GALNT17: variants seen among roughly 807,000 people sequenced by gnomAD.
GALNT17 encodes polypeptide N-acetylgalactosaminyltransferase 17, also known as UDP-GalNAc:polypeptide N-acetylgalactosaminyltransferase-like 3.
Under a neutral mutation model 63.7 loss-of-function variants are expected in GALNT17, and 29 were observed. The observed-to-expected ratio is 0.46, with a 90% CI of 0.34 to 0.62. The LOEUF (loss-of-function observed/expected upper bound fraction) is 0.62. Ranked by LOEUF, GALNT17 falls within the 20% of genes least tolerant of loss-of-function variation. The pLI is 0.01. For missense variants in GALNT17, 603 were observed against 799.6 expected, an observed-to-expected ratio of 0.75 and a Z score of 2.97; for synonymous variants, 305 against 318.3, an observed-to-expected ratio of 0.96 and a Z score of 0.45.
chr7:71,370,554 G>A (rs938610711), intron 2 of GALNT17, among the ~76,000 whole-genome samples: 6 of 151,326 alleles, frequency 4.0e-5, no homozygotes, highest in Admixed American at 1.3e-4. Context: ...GTGTGATCTC[G>A]GCTCACTGCA....
intron 6 of GALNT17, among the ~76,000 whole-genome samples, chr7:71,633,391 C>T (rs536226425): frequency 2.0e-5 from 3 of 152,250 alleles, no homozygotes; most frequent in African/African-American, 7.2e-5. Flanking sequence ...CAGACTGAGG[C>T]TACGCAGTTT....
chr7:71,703,391 G>C (rs184146688), intron 9 of GALNT17, among the ~76,000 whole-genome samples: 207 of 152,306 alleles, frequency 1.4e-3, no homozygotes, highest in African/African-American at 4.5e-3. Flanking sequence ...GGGAAAAAGA[G>C]AGTGAGGTGA....
intron 9 of GALNT17, among the ~76,000 whole-genome samples, chr7:71,681,750 C>T (rs79428744): frequency 0.022 from 3,361 of 152,254 alleles, 120 homozygotes; most frequent in African/African-American, 0.074. Context: ...GAGGCTATCC[C>T]AGTTAGATAC....
At chr7:71,201,791 C>T (rs1354011089) in intron 1 of GALNT17, among the ~76,000 whole-genome samples, 6 of 152,144 alleles carry the variant, frequency 3.9e-5, no homozygotes, top group African/African-American at 1.2e-4. Context: ...GCCACCACAC[C>T]CAGCTAATTT....
intron 1 of GALNT17, among the ~76,000 whole-genome samples, chr7:71,318,152 C>A (rs1444878027): frequency 6.6e-6 from 1 of 152,124 alleles, no homozygotes; most frequent in Non-Finnish European, 1.5e-5. Context: ...GTGATCTTCC[C>A]ACCTTGGCCT....
chr7:71,686,263 C>G (rs944033248), intron 9 of GALNT17, among the ~76,000 whole-genome samples: 4 of 151,878 alleles, frequency 2.6e-5, no homozygotes, highest in Non-Finnish European at 5.9e-5. Context: ...CCTGTTTACT[C>G]TTTATAATGT....
chr7:71,568,112 G>A (rs887493220), intron 5 of GALNT17, among the ~76,000 whole-genome samples: 27 of 152,212 alleles, frequency 1.8e-4, no homozygotes, highest in African/African-American at 6.5e-4. Flanking sequence ...GCCCAGGGAA[G>A]CACCTTAACG....
intron 3 of GALNT17, among the ~76,000 whole-genome samples, chr7:71,395,270 T>C (rs557472416): frequency 1.3e-5 from 2 of 152,310 alleles, no homozygotes; most frequent in East Asian, 3.9e-4. Context: ...TTGCCAAATA[T>C]TAATGTATTT....
At position 71,712,228 on chromosome 7, in the gene GALNT17, G is replaced by A. The variant is rs866423098; in HGVS notation, c.*82G>A. 1.9e-5 allele frequency: 30 copies of A among 1,547,582 alleles called. No individual in the cohort carries two copies. In the South Asian group the frequency reaches 3.6e-4, roughly 19 times the overall value. ...CATCTGGACCAGCTGCCCTGGCGGA[G>A]AGACAGCAAGGGGCCGGCAGGTGCT... On this transcript the variant is annotated 3_prime_UTR_variant, in exon 11 of 11. Transcript: ENST00000333538.
rs1377020519 is a variant in GALNT17, at chr7:71,680,557, TCC to T, written c.1500+3253_1500+3254del. On this transcript the variant is annotated intron_variant, in intron 9 of 10. Transcript: ENST00000333538. The stretch of plus-strand genomic sequence containing the variant: ...CTCCCTCCCTTCCTCCCTCCCTCTC[TCC>T]CTTCCTCCCTCCCTCTCTCCCTTCC... 4.5e-4 allele frequency among the ~76,000 whole-genome samples: 20 copies of T among 44,836 alleles called. 7 individuals carry two copies. The highest frequency in any genetic ancestry group is 7.3e-4 in the Non-Finnish European group (14 of 19,212). The allele number at this position is 44,836 out of a possible 152,430, so 29.4% of individuals were successfully genotyped here. A position where few individuals can be genotyped will look rare whatever the true frequency, so the allele number is the denominator to read the frequency against.
chr7:71,509,756 G>C (rs6965952), intron 5 of GALNT17, among the ~76,000 whole-genome samples: 36,245 of 152,042 alleles, frequency 0.24, 4,446 homozygotes, highest in Middle Eastern at 0.36. Context: ...GGAACAGAGA[G>C]ATGGAGGCTT....
At chr7:71,279,131 G>T (rs772299039) in intron 1 of GALNT17, among the ~76,000 whole-genome samples, 9 of 151,794 alleles carry the variant, frequency 5.9e-5, no homozygotes, top group Non-Finnish European at 8.8e-5. Flanking sequence ...CACCATGTTG[G>T]CCAGGATGGT....
chr7:71,707,463 G>C (rs1791737074), intron 9 of GALNT17, among the ~76,000 whole-genome samples: 1 of 152,230 alleles, frequency 6.6e-6, no homozygotes, highest in Admixed American at 6.5e-5. Flanking sequence ...GTTGTGGGAA[G>C]GTTGCCGGGC....
intron 9 of GALNT17, among the ~76,000 whole-genome samples, chr7:71,693,067 T>C (rs1277093487): frequency 1.3e-5 from 2 of 151,964 alleles, no homozygotes; most frequent in East Asian, 3.9e-4. Context: ...GATAGATAAC[T>C]ATATACTAGT....
intron 6 of GALNT17, among the ~76,000 whole-genome samples, chr7:71,644,117 T>TCC (rs1253732433): frequency 6.6e-6 from 1 of 152,114 alleles, no homozygotes; most frequent in Non-Finnish European, 1.5e-5. Context: ...ATTTTAAAAC[T>TCC]CTGGGCTGGG....
At chr7:71,550,544 C>A (rs930070230) in intron 5 of GALNT17, among the ~76,000 whole-genome samples, 3 of 152,066 alleles carry the variant, frequency 2.0e-5, no homozygotes, top group Admixed American at 6.6e-5. Flanking sequence ...CTATGCCCAG[C>A]TAATTTTTTT....
intron 2 of GALNT17, among the ~76,000 whole-genome samples, chr7:71,377,327 C>A: frequency 2.8e-5 from 1 of 35,530 alleles, no homozygotes; most frequent in East Asian, 4.6e-4. Flanking sequence ...TCCCAGGTAG[C>A]CGTGGAGCCA....
Position 71,335,633 on chromosome 7 carries a change from G to T in GALNT17, c.322G>T (p.Glu108Ter). ...GLPATLSPAE[E>*]EKAKGPHEKY... ...TCCGGCTACTCTTTCCCCGGCTGAA[G>T]AAGAAAAGGCTAAGGGACCCCATGA... Residue 108 changes from glutamate (E) to a stop codon, truncating the protein, a stop_gained, in exon 2 of 11, where the codon GAA becomes TAA. Coordinates refer to ENST00000333538, the MANE Select transcript of GALNT17 (RefSeq NM_022479.3). LOFTEE classifies it high-confidence loss of function. 6.2e-7 allele frequency: 1 copy of T among 1,613,122 alleles called. No homozygotes were observed. Among genetic ancestry groups the T allele is most frequent in the Non-Finnish European group, 8.5e-7 (1 of 1,179,532 alleles).
chr7:71,513,790 C>T (rs774331818), intron 5 of GALNT17, among the ~76,000 whole-genome samples: 2 of 152,118 alleles, frequency 1.3e-5, no homozygotes, highest in Non-Finnish European at 2.9e-5. Context: ...GGAAGAAAGG[C>T]TTTCTGTATC....
Sources: gnomAD v4.1 joint callset for allele counts (sites outside exome capture counted in the v4.1 genomes callset) on GRCh38, gnomAD v4.1.1 for gene constraint, MANE v1.5 for transcripts, NCBI Gene and HGNC (gene_info 2026-07-23, HGNC 2026-07-21) for gene names.